The following TNPO3 variants were observed in gnomAD, a reference collection of about 807,000 sequenced individuals.
TNPO3 encodes the protein transportin-3.
TNPO3 carries 65 observed loss-of-function variants against 122.8 expected under a neutral mutation model. The ratio of observed to expected loss-of-function variants is 0.53; its 90% CI spans 0.43 to 0.65. The LOEUF (loss-of-function observed/expected upper bound fraction) is 0.65. TNPO3 is among the 30% of genes least tolerant of loss of function. The pLI, the probability that TNPO3 is intolerant of heterozygous loss-of-function variation, is 0.00. For synonymous variants in TNPO3, 372 were observed against 411.2 expected, an observed-to-expected ratio of 0.90 and a Z score of 1.15; for missense variants, 850 against 1,136.7, an observed-to-expected ratio of 0.75 and a Z score of 3.63.
intron 1 of TNPO3, among the ~76,000 whole-genome samples, chr7:129,049,645 A>G (rs1286740535): frequency 6.6e-6 from 1 of 152,238 alleles, no homozygotes; most frequent in Non-Finnish European, 1.5e-5. Context: ...ATCCAATAAA[A>G]ATCAGAGTAA....
intron 5 of TNPO3, among the ~76,000 whole-genome samples, chr7:129,003,172 G>A (rs944339120): frequency 6.0e-5 from 9 of 150,116 alleles, no homozygotes; most frequent in African/African-American, 1.5e-4. Context: ...GCCGTGAGCC[G>A]AGATTGTGCC....
At chr7:128,956,975 T>C (rs555303259) in intron 22 of TNPO3, among the ~76,000 whole-genome samples, 19 of 152,366 alleles carry the variant, frequency 1.2e-4, no homozygotes, top group African/African-American at 4.3e-4. Context: ...TTCAATGCAC[T>C]GTGTAACAGT....
intron 20 of TNPO3, among the ~76,000 whole-genome samples, chr7:128,969,489 T>G (rs554968207): frequency 5.8e-4 from 86 of 148,782 alleles, no homozygotes; most frequent in South Asian, 4.3e-3. Flanking sequence ...TTAAAAATTA[T>G]AAATTCCATT....
Position 128,955,212 on chromosome 7 carries a change from C to G in TNPO3, c.*205G>C, listed in dbSNP as rs1259928310. The G allele has an allele frequency of 2.6e-6, 1 of 390,588 alleles. No homozygotes were observed. Among genetic ancestry groups the G allele is most frequent in the Admixed American group, 3.4e-5 (1 of 29,188 alleles). The allele number at this position is 390,588 out of a possible 1,614,324, so 24.2% of individuals were successfully genotyped here. A position where few individuals can be genotyped will look rare whatever the true frequency, so the allele number is the denominator to read the frequency against. On this transcript the variant is annotated 3_prime_UTR_variant, in exon 23 of 23. Coordinates refer to ENST00000265388, the MANE Select transcript of TNPO3 (RefSeq NM_012470.4). ...TTTTTAAAATCCGCGCTGATTTTCC[C>G]TCACACCCCCAAACAGGAACTCCTC... is the stretch of plus-strand genomic sequence containing the variant.
chr7:129,052,636 T>G (rs1478139694), intron 1 of TNPO3, among the ~76,000 whole-genome samples: 2 of 152,246 alleles, frequency 1.3e-5, no homozygotes, highest in Non-Finnish European at 2.9e-5. Context: ...TTAATCTCTA[T>G]GTTCCAAGAA....
intron 16 of TNPO3, among the ~76,000 whole-genome samples, chr7:128,977,589 T>C (rs1003698801): frequency 7.6e-5 from 7 of 91,966 alleles, no homozygotes; most frequent in African/African-American, 3.1e-4. Flanking sequence ...TCATTCTTTT[T>C]TTCTTTTTTC....
At chr7:128,984,336 G>T in intron 12 of TNPO3, 77 bp from the exon 13 acceptor site, 2 of 978,624 alleles carry the variant, frequency 2.0e-6, no homozygotes, top group South Asian at 1.6e-5. Context: ...TCATGTGAGT[G>T]ACCAGAAAAA....
Position 128,955,096 on chromosome 7 carries a change from CTT to C in TNPO3, c.*319_*320del, listed in dbSNP as rs1796776178. On this transcript the variant is annotated 3_prime_UTR_variant, in exon 23 of 23. Coordinates refer to ENST00000265388, the MANE Select transcript of TNPO3 (RefSeq NM_012470.4). ...TTTCTGTTTAGTCTTCCTTTTTTTT[CTT>C]TTTTCTTTACTTAAAATTATTTTTC... 2 of 321,338 alleles carry C rather than the reference CTT, an allele frequency of 6.2e-6. No homozygotes were observed. The highest frequency in any genetic ancestry group is 1.2e-5 in the Non-Finnish European group (2 of 165,634). The allele number at this position is 321,338 out of a possible 1,614,324, so 19.9% of individuals were successfully genotyped here.
chr7:129,037,381 G>T (rs1806807122), intron 1 of TNPO3, among the ~76,000 whole-genome samples: 1 of 152,152 alleles, frequency 6.6e-6, no homozygotes. Flanking sequence ...GCAAGCACTG[G>T]CTCATCTACG....
Position 128,957,133 on chromosome 7 carries a change from T to G in TNPO3, c.*31+91A>C. On this transcript the variant is annotated intron_variant, in intron 22 of 22. Transcript: ENST00000265388. The stretch of plus-strand genomic sequence containing the variant: ...TCCCTGACTCTAGCTATAAGACTGG[T>G]CCCATGATAGGCATTAAAACCTATC... 3.0e-5 allele frequency: 32 copies of G among 1,069,404 alleles called. No homozygotes were observed. The South Asian group carries it at 4.1e-4, about 14-fold the overall frequency. The allele number at this position is 1,069,404 out of a possible 1,614,324, so 66.2% of individuals were successfully genotyped here.
chr7:129,005,021 C>T lies in TNPO3; in HGVS notation c.691G>A (p.Val231Ile), dbSNP rs778415402. The T allele has an allele frequency of 1.2e-6, 2 of 1,612,520 alleles. No individual in the cohort carries two copies. The highest frequency in any genetic ancestry group is 1.7e-4 in the Middle Eastern group (1 of 6,056). ...TAAATAAGGTCATTACTTACCAAAA[C>T]CTCAAAAAGGAGTGCTAGTAATTTA... ...NNKLLALLFE[V>I]LQQDKTSSNL... is the part of the protein sequence containing the mutation. Residue 231 changes from valine (V) to isoleucine (I), a missense_variant, in exon 5 of 23, where the codon GTT (valine) becomes ATT (isoleucine). Coordinates refer to ENST00000265388, the MANE Select transcript of TNPO3 (RefSeq NM_012470.4).
At chr7:128,959,634 C>A (rs1797241486) in intron 21 of TNPO3, among the ~76,000 whole-genome samples, 1 of 152,198 alleles carries the variant, frequency 6.6e-6, no homozygotes, top group Admixed American at 6.5e-5. Context: ...TTGGCTTCTG[C>A]CCCAATCCTA....
intron 1 of TNPO3, among the ~76,000 whole-genome samples, chr7:129,038,920 C>T (rs1264233683): frequency 6.6e-6 from 1 of 152,070 alleles, no homozygotes; most frequent in Non-Finnish European, 1.5e-5. Context: ...TACAACAAAC[C>T]CCTATGACAC....
At chr7:129,005,185 G>A (rs1563100434) in intron 4 of TNPO3, 26 bp from the exon 5 acceptor site, 2 of 1,587,856 alleles carry the variant, frequency 1.3e-6, no homozygotes, top group African/African-American at 1.4e-5. Context: ...AACTTAAAAT[G>A]AATAATGTTA....
rs1470783972 is a variant in TNPO3, at chr7:129,018,062, C to G, written c.216G>C (p.Gln72His). Residue 72 changes from glutamine (Q) to histidine (H), a missense_variant, in exon 2 of 23, where the codon CAG becomes CAC. Transcript: ENST00000265388. ...CTGTGGGGAGCTCATAAAATGAGGT[C>G]TGAATCTTCATTTTCATGGTCTGTG... Reference protein sequence around the residue: ...FAAQTMKMKIQTSFYELPTDS... With the variant: ...FAAQTMKMKIHTSFYELPTDS... 1.9e-6 allele frequency: 3 copies of G among 1,614,138 alleles called. No homozygotes were observed.
chr7:129,027,929 G>A (rs996229200), intron 1 of TNPO3, among the ~76,000 whole-genome samples: 3 of 152,096 alleles, frequency 2.0e-5, no homozygotes, highest in Non-Finnish European at 4.4e-5. Context: ...AGACTGATAC[G>A]TTAGGCCACA....
intron 4 of TNPO3, among the ~76,000 whole-genome samples, chr7:129,014,489 C>T (rs571120096): frequency 6.6e-6 from 1 of 152,236 alleles, no homozygotes; most frequent in Non-Finnish European, 1.5e-5. Flanking sequence ...TGCCACTGCA[C>T]TACAGCCTAG....
intron 1 of TNPO3, among the ~76,000 whole-genome samples, chr7:129,026,073 C>T (rs1805121864): frequency 6.7e-6 from 1 of 150,286 alleles, no homozygotes. Context: ...TTGCAGTGAG[C>T]CGAGATCATG....
intron 1 of TNPO3, among the ~76,000 whole-genome samples, chr7:129,042,545 A>T (rs1807509013): frequency 6.6e-6 from 1 of 152,194 alleles, no homozygotes; most frequent in Non-Finnish European, 1.5e-5. Context: ...AAACAGAAAA[A>T]GTAATTTTTT....
Sources: gnomAD v4.1 joint callset for allele counts (sites outside exome capture counted in the v4.1 genomes callset) on GRCh38, gnomAD v4.1.1 for gene constraint, MANE v1.5 for transcripts, NCBI Gene and HGNC (gene_info 2026-07-23, HGNC 2026-07-21) for gene names.